NOTCH2: variants seen among roughly 807,000 people sequenced by gnomAD.
The protein encoded by NOTCH2 is notch receptor 2, also known as neurogenic locus notch homolog protein 2.
Under a neutral mutation model 235.8 loss-of-function variants are expected in NOTCH2, and 29 were observed. The observed-to-expected ratio is 0.12, with a 90% CI of 0.09 to 0.17. The LOEUF (loss-of-function observed/expected upper bound fraction) is 0.17. Ranked by LOEUF, NOTCH2 falls within the 10% of genes least tolerant of loss-of-function variation. The probability of loss-of-function intolerance (pLI) is 1.00; values close to 1 mark genes in which losing one functional copy is unlikely to be tolerated. For synonymous variants in NOTCH2, 1,086 were observed against 1,141.5 expected (o/e 0.95, Z 0.98); for missense variants, 2,285 against 3,150.2 (o/e 0.73, Z 6.57).
intron 29 of NOTCH2, 89 bp downstream of exon 29, chr1:119,921,624 C>A: frequency 9.6e-7 from 1 of 1,039,592 alleles, no homozygotes; most frequent in Non-Finnish European, 1.5e-6. Flanking sequence ...TCTTTACTCC[C>A]ATTCAGGACA....
chr1:119,999,750 C>A (rs587640271), intron 3 of NOTCH2, among the ~76,000 whole-genome samples: 3 of 152,002 alleles, frequency 2.0e-5, no homozygotes, highest in African/African-American at 7.3e-5. Context: ...GGCTTTATGG[C>A]GCATGCCTGT....
intron 1 of NOTCH2, among the ~76,000 whole-genome samples, chr1:120,037,938 T>C (rs327210): frequency 0.021 from 3,166 of 151,858 alleles, 103 homozygotes; most frequent in African/African-American, 0.073. Context: ...GTATTACTAA[T>C]AGACTTTTCA....
At chr1:120,065,483 G>A (rs1570800440) in intron 1 of NOTCH2, among the ~76,000 whole-genome samples, 1 of 152,308 alleles carries the variant, frequency 6.6e-6, no homozygotes, top group East Asian at 1.9e-4. Flanking sequence ...ATTTGTACAC[G>A]AGATGGAAGC....
At chr1:119,943,656 T>C (rs1650147721) in intron 17 of NOTCH2, among the ~76,000 whole-genome samples, 1 of 152,170 alleles carries the variant, frequency 6.6e-6, no homozygotes, top group Non-Finnish European at 1.5e-5. Flanking sequence ...GATGGATGTC[T>C]AGCATCCAGT....
intron 17 of NOTCH2, 75 bp from the exon 18 acceptor site, chr1:119,941,829 C>A: frequency 8.6e-7 from 1 of 1,161,254 alleles, no homozygotes; most frequent in Non-Finnish European, 1.3e-6. Context: ...AGTGAATGAC[C>A]TGAACTAAGT....
chr1:120,033,859 G>C (rs1654200420), intron 1 of NOTCH2, among the ~76,000 whole-genome samples: 1 of 152,020 alleles, frequency 6.6e-6, no homozygotes, highest in African/African-American at 2.4e-5. Context: ...CATTGTATTA[G>C]CAAATTATAA....
In NOTCH2 at chr1:119,923,984, C is replaced by T; in HGVS notation, c.4512G>A (p.Lys1504=). ...AGTGGTCTGCACAGTATTTGTCATA[C>T]CTAGGTAAGGGGAAGCAGAGAACAG... ...FECQGNSKTC[K]YDKYCADHFK... The change falls in exon 26 of 34, where the codon AAG becomes AAA. Residue 1504 remains lysine, a splice_region_variant and synonymous_variant. Transcript: ENST00000256646. 6.2e-7 allele frequency: 1 copy of T among 1,612,706 alleles called. No homozygotes were observed. The highest frequency in any genetic ancestry group is 8.5e-7 in the Non-Finnish European group (1 of 1,178,796).
rs374826343 is a variant in NOTCH2, at chr1:119,949,175, G to A, written c.2480-49C>T. On this transcript the variant is annotated intron_variant, in intron 15 of 33. Transcript: ENST00000256646. ...ATGACAGATAAACAGGTAAGAAAAC[G>A]AAAATTTTCCTTATCCCAAGGATGT... 7.8e-5 allele frequency: 126 copies of A among 1,609,648 alleles called. 1 individual carries two copies. The South Asian group carries it at 1.2e-3, about 15-fold the overall frequency.
At chr1:119,993,478 AAATTAACC>A in intron 4 of NOTCH2, 1 of 75,832 alleles carries the variant, frequency 1.3e-5, no homozygotes, top group South Asian at 6.5e-4. Flanking sequence ...AAAAAATTGT[AAATTAACC>A]ATTTAAATAT....
chr1:119,996,757 G>A (rs781981179), intron 4 of NOTCH2: 1 of 977,462 alleles, frequency 1.0e-6, no homozygotes, highest in Non-Finnish European at 1.7e-6. Context: ...CTACAAAAGG[G>A]ACAATAAACA....
chr1:119,939,677 C>T (rs1649996844), intron 19 of NOTCH2, among the ~76,000 whole-genome samples: 1 of 152,196 alleles, frequency 6.6e-6, no homozygotes, highest in Admixed American at 6.5e-5. Flanking sequence ...GCCAAATTCA[C>T]AATATAGACA....
At position 119,923,739 on chromosome 1, in the gene NOTCH2, TC is replaced by T; in HGVS notation, c.4756del (p.Glu1586AsnfsTer15). On this transcript the variant is annotated frameshift_variant, in exon 26 of 34. Transcript: ENST00000256646. LOFTEE classifies it high-confidence loss of function. ...NLRIKRDSQG[E>X]LMVYPYYGEK... Reference sequence around the variant, plus strand: ...ACCATAATAGGGGTACACCATGAGTTCCCCCTGGGAGTCCCGCTTAATGCGC... The same window carrying T: ...ACCATAATAGGGGTACACCATGAGTTCCCCTGGGAGTCCCGCTTAATGCGC... 1 of 1,614,064 alleles carries T rather than the reference TC, an allele frequency of 6.2e-7. No homozygotes were observed.
chr1:119,948,609 G>T, intron 16 of NOTCH2, 43 bp from the exon 17 acceptor site: 7 of 1,612,014 alleles, frequency 4.3e-6, no homozygotes, highest in Non-Finnish European at 5.9e-6. Context: ...CTTGGAAGCT[G>T]ATTCCCACAA....
chr1:119,996,802 T>C (rs782472171), intron 4 of NOTCH2, 195 bp downstream of exon 4: 1 of 800,588 alleles, frequency 1.2e-6, no homozygotes, highest in Non-Finnish European at 2.2e-6. Context: ...AACCCTGACA[T>C]GCTAAATTAT....
intron 12 of NOTCH2, among the ~76,000 whole-genome samples, chr1:119,959,080 C>T (rs375571298): frequency 1.3e-5 from 2 of 152,178 alleles, no homozygotes; most frequent in African/African-American, 2.4e-5. Context: ...TTGACTACTA[C>T]CTGTAATCAA....
chr1:119,991,839 A>AAAAG (rs1557835889), intron 4 of NOTCH2, among the ~76,000 whole-genome samples: 1 of 129,536 alleles, frequency 7.7e-6, no homozygotes, highest in African/African-American at 3.6e-5. Context: ...AAAAAAAAAA[A>AAAAG]AAAAGAAAAG....
Position 119,914,302 on chromosome 1 carries a change from G to A in NOTCH2, c.*1004C>T. On this transcript the variant is annotated 3_prime_UTR_variant, in exon 34 of 34. Transcript: ENST00000256646. ...GCAGGAAGTAGGGGGACCTGTGGGT[G>A]GGTAACTGGCTCTTGCACGAGTTAA... The A allele has an allele frequency of 4.3e-6, 1 of 233,158 alleles. No individual in the cohort carries two copies. The highest frequency in any genetic ancestry group is 8.5e-6 in the Non-Finnish European group (1 of 118,000). 14.4% of individuals were successfully genotyped at this position (233,158 alleles called of 1,614,324 possible).
chr1:120,015,182 G>T (rs1480733082), intron 2 of NOTCH2, among the ~76,000 whole-genome samples: 1 of 152,156 alleles, frequency 6.6e-6, no homozygotes, highest in Non-Finnish European at 1.5e-5. Flanking sequence ...TCTCATGTGG[G>T]TTGCGTCGGC....
intron 10 of NOTCH2, 142 bp from the exon 11 acceptor site, chr1:119,963,949 C>T (rs587623693): frequency 1.8e-4 from 134 of 740,128 alleles, no homozygotes; most frequent in African/African-American, 1.6e-3. Flanking sequence ...TAGAAAACGA[C>T]GATCTGCATT....
Sources: allele counts gnomAD v4.1 joint callset (sites outside exome capture counted in the v4.1 genomes callset), GRCh38; gene constraint gnomAD v4.1.1; transcripts MANE v1.5; gene names NCBI Gene and HGNC (gene_info 2026-07-23, HGNC 2026-07-21).